The following SMCO4 variants were observed in gnomAD, a reference collection of about 807,000 sequenced individuals.
SMCO4 encodes the protein single-pass membrane protein with coiled-coil domains 4.
In SMCO4, 4 loss-of-function variants were observed where a neutral mutation model predicts 3.6. The ratio of observed to expected loss-of-function variants is 1.11; its 90% CI spans 0.54 to 2.53. The LOEUF is 2.53. Among genes scored for constraint, SMCO4 ranks in the 30% most tolerant of loss-of-function variants. SMCO4 has a pLI of 0.02. For missense variants in SMCO4, 70 were observed against 80.8 expected, an observed-to-expected ratio of 0.87 and a Z score of 0.51; for synonymous variants, 36 against 35.3, an observed-to-expected ratio of 1.02 and a Z score of -0.07.
intron 1 of SMCO4, among the ~76,000 whole-genome samples, chr11:93,527,548 T>C (rs1459669997): frequency 6.6e-6 from 1 of 152,176 alleles, no homozygotes; most frequent in African/African-American, 2.4e-5. Context: ...CTTCAGCTTC[T>C]TGGGCTCAAG....
intron 1 of SMCO4, among the ~76,000 whole-genome samples, chr11:93,519,068 G>A (rs575626100): frequency 6.4e-4 from 97 of 152,306 alleles, no homozygotes; most frequent in Middle Eastern, 6.8e-3. Context: ...CACTACTTAA[G>A]AATGGCTTGC....
chr11:93,520,727 G>A (rs929961761), intron 1 of SMCO4, among the ~76,000 whole-genome samples: 2 of 152,236 alleles, frequency 1.3e-5, no homozygotes, highest in African/African-American at 4.8e-5. Context: ...TAAGGAGAAA[G>A]AAGGCTCAAA....
At chr11:93,519,043 G>A (rs116201095) in intron 1 of SMCO4, among the ~76,000 whole-genome samples, 445 of 152,280 alleles carry the variant, frequency 2.9e-3, no homozygotes, top group African/African-American at 0.01. Context: ...TTTCTAATTA[G>A]TTCTAAACTG....
chr11:93,521,320 A>G (rs919183051), intron 1 of SMCO4, among the ~76,000 whole-genome samples: 1 of 152,204 alleles, frequency 6.6e-6, no homozygotes, highest in Non-Finnish European at 1.5e-5. Context: ...CCTGGGACCC[A>G]ACATGAGTCA....
At chr11:93,513,575 G>A (rs548390127) in intron 1 of SMCO4, among the ~76,000 whole-genome samples, 46 of 152,268 alleles carry the variant, frequency 3.0e-4, no homozygotes, top group African/African-American at 1.1e-3. Flanking sequence ...GGAGACGGAG[G>A]TATCAAAGAT....
At chr11:93,544,250 GTTA>G, upstream of SMCO4, among the ~76,000 whole-genome samples, 1 of 152,290 alleles carries the variant, frequency 6.6e-6, no homozygotes, top group South Asian at 2.1e-4. Context: ...GTAAATGGTA[GTTA>G]TTGTTGTATT....
At chr11:93,479,351 G>T in intron 2 of SMCO4, 82 bp from the exon 3 acceptor site, 1 of 1,275,838 alleles carries the variant, frequency 7.8e-7, no homozygotes. Flanking sequence ...TACACAACTA[G>T]GAAAAATATC....
chr11:93,539,545 AATT>A, intron 1 of SMCO4, among the ~76,000 whole-genome samples: 1 of 152,328 alleles, frequency 6.6e-6, no homozygotes, highest in South Asian at 2.1e-4. Flanking sequence ...ACTATTTCCT[AATT>A]ATTATCTTCA....
At chr11:93,532,957 T>C (rs1949177525) in intron 1 of SMCO4, among the ~76,000 whole-genome samples, 1 of 152,120 alleles carries the variant, frequency 6.6e-6, no homozygotes, top group African/African-American at 2.4e-5. Context: ...CAGTGCAAAA[T>C]CACCAACACC....
At chr11:93,493,236 C>T (rs978914642) in intron 2 of SMCO4, among the ~76,000 whole-genome samples, 1 of 152,150 alleles carries the variant, frequency 6.6e-6, no homozygotes, top group African/African-American at 2.4e-5. Flanking sequence ...CAGAAGCCTC[C>T]AGGTCAGCAA....
intron 1 of SMCO4, among the ~76,000 whole-genome samples, chr11:93,529,593 T>C (rs1204270525): frequency 2.0e-5 from 3 of 152,054 alleles, no homozygotes; most frequent in Admixed American, 2.0e-4. Flanking sequence ...GGCCCCCATA[T>C]AGCCCACTTC....
chr11:93,547,983 G>A (rs1949325649), upstream of SMCO4, among the ~76,000 whole-genome samples: 1 of 152,234 alleles, frequency 6.6e-6, no homozygotes, highest in Non-Finnish European at 1.5e-5. Context: ...TGGTCTGCAT[G>A]TCTCAGAATG....
intron 2 of SMCO4, among the ~76,000 whole-genome samples, chr11:93,479,729 G>C (rs1423266692): frequency 6.6e-6 from 1 of 152,080 alleles, no homozygotes; most frequent in Non-Finnish European, 1.5e-5. Flanking sequence ...CCCAAGCCAG[G>C]CCAGCCTCAT....
Position 93,478,760 on chromosome 11 carries a change from C to A in SMCO4, c.*250G>T. ...ACACACACACACACACACATGCGCG[C>A]GCGCTTTGAAGTCTGAAAGGCACAT... On this transcript the variant is annotated 3_prime_UTR_variant, in exon 3 of 3. Coordinates refer to ENST00000298966, the MANE Select transcript of SMCO4 (RefSeq NM_020179.3). The A allele has an allele frequency of 1.0e-6, 1 of 998,860 alleles. No homozygotes were observed. The highest frequency in any genetic ancestry group is 3.4e-5 in the Admixed American group (1 of 29,574). 61.9% of individuals were successfully genotyped at this position (998,860 alleles called of 1,614,324 possible). A position where few individuals can be genotyped will look rare whatever the true frequency, so the allele number is the denominator to read the frequency against.
chr11:93,540,829 T>G (rs1187114095), intron 1 of SMCO4, among the ~76,000 whole-genome samples: 1 of 152,218 alleles, frequency 6.6e-6, no homozygotes, highest in Non-Finnish European at 1.5e-5. Flanking sequence ...CTCAACCTAA[T>G]TAATCAAGCC....
In SMCO4 at chr11:93,478,818, T is replaced by C. The variant is rs561313206; in HGVS notation, c.*192A>G. 1.4e-6 allele frequency: 2 copies of C among 1,406,314 alleles called. No homozygotes were observed. Among genetic ancestry groups the C allele is most frequent in the South Asian group, 3.2e-5 (2 of 61,906 alleles). 87.1% of individuals were successfully genotyped at this position (1,406,314 alleles called of 1,614,324 possible). On this transcript the variant is annotated 3_prime_UTR_variant, in exon 3 of 3. Coordinates refer to ENST00000298966, the MANE Select transcript of SMCO4 (RefSeq NM_020179.3). Reference sequence around the variant, plus strand: ...ACCATAAGGTGTATGGCACATTCACTGATAAAACATCCCCTATTCCCTCCC... The same window carrying C: ...ACCATAAGGTGTATGGCACATTCACCGATAAAACATCCCCTATTCCCTCCC...
chr11:93,491,771 T>C (rs1473942298), intron 2 of SMCO4, among the ~76,000 whole-genome samples: 2 of 152,228 alleles, frequency 1.3e-5, no homozygotes, highest in African/African-American at 2.4e-5. Flanking sequence ...TTGGCCCCCA[T>C]GCTGGCATGC....
chr11:93,512,332 C>T (rs1400568861), intron 1 of SMCO4, among the ~76,000 whole-genome samples: 2 of 152,110 alleles, frequency 1.3e-5, no homozygotes, highest in Non-Finnish European at 2.9e-5. Flanking sequence ...CATCATAAAA[C>T]CGTAGCACAA....
At chr11:93,497,661 G>A (rs1215856678) in intron 2 of SMCO4, among the ~76,000 whole-genome samples, 1 of 151,400 alleles carries the variant, frequency 6.6e-6, no homozygotes, top group Non-Finnish European at 1.5e-5. Context: ...ATGGTTGGGG[G>A]GAACTGAACC....
Sources: gnomAD v4.1 joint callset for allele counts (sites outside exome capture counted in the v4.1 genomes callset) on GRCh38, gnomAD v4.1.1 for gene constraint, MANE v1.5 for transcripts, NCBI Gene and HGNC (gene_info 2026-07-23, HGNC 2026-07-21) for gene names.